Variants in EEFSEC observed in about 807,000 individuals in gnomAD.
The protein encoded by EEFSEC is eukaryotic elongation factor, selenocysteine-tRNA specific.
Under a neutral mutation model 42.1 loss-of-function variants are expected in EEFSEC, and 43 were observed. The observed-to-expected ratio is 1.02, with a 90% CI of 0.80 to 1.32. The LOEUF is 1.32. EEFSEC is among the 40% of genes most tolerant of loss of function. EEFSEC has a pLI of 0.00. For missense variants in EEFSEC, 745 were observed against 803.6 expected, an observed-to-expected ratio of 0.93 and a Z score of 0.88; for synonymous variants, 354 against 339.1, an observed-to-expected ratio of 1.04 and a Z score of -0.48.
intron 1 of EEFSEC, among the ~76,000 whole-genome samples, chr3:128,185,907 T>C (rs535561976): frequency 5.9e-5 from 9 of 152,338 alleles, no homozygotes; most frequent in East Asian, 1.9e-4. Context: ...TGAGGAGTCA[T>C]GTACATGTTT....
intron 1 of EEFSEC, among the ~76,000 whole-genome samples, chr3:128,224,894 C>T (rs1000467414): frequency 7.9e-5 from 12 of 152,170 alleles, no homozygotes; most frequent in Non-Finnish European, 1.5e-5. Context: ...ATGAGGAGCC[C>T]GAGGCTCAGA....
chr3:128,154,251 A>G (rs997899776), intron 1 of EEFSEC, among the ~76,000 whole-genome samples: 3 of 152,020 alleles, frequency 2.0e-5, no homozygotes, highest in African/African-American at 7.2e-5. Context: ...GTTTTTGTAT[A>G]TCATTTCAGA....
chr3:128,250,036 T>C (rs976660478), intron 2 of EEFSEC, among the ~76,000 whole-genome samples: 1 of 152,232 alleles, frequency 6.6e-6, no homozygotes, highest in Non-Finnish European at 1.5e-5. Flanking sequence ...TTAATGGCCA[T>C]TTGTGTATCT....
intron 1 of EEFSEC, among the ~76,000 whole-genome samples, chr3:128,158,912 T>A (rs1944427251): frequency 6.6e-6 from 1 of 152,256 alleles, no homozygotes. Context: ...GTTTTTTATT[T>A]AGACTAAAAC....
At chr3:128,307,446 G>T (rs531273462) in intron 4 of EEFSEC, among the ~76,000 whole-genome samples, 3 of 152,162 alleles carry the variant, frequency 2.0e-5, no homozygotes, top group Non-Finnish European at 4.4e-5. Flanking sequence ...ACCCAGCGGG[G>T]CCCAGCTAGC....
intron 1 of EEFSEC, among the ~76,000 whole-genome samples, chr3:128,163,532 T>C (rs2065212351): frequency 1.3e-5 from 2 of 152,124 alleles, no homozygotes; most frequent in South Asian, 4.1e-4. Context: ...TTTTATGGTA[T>C]GTAAATTACA....
At chr3:128,197,102 C>CAAA in intron 1 of EEFSEC, among the ~76,000 whole-genome samples, 1 of 152,266 alleles carries the variant, frequency 6.6e-6, no homozygotes, top group South Asian at 2.1e-4. Flanking sequence ...TGCAGTAAGG[C>CAAA]AGATTATAAA....
intron 6 of EEFSEC, among the ~76,000 whole-genome samples, chr3:128,404,405 G>A (rs1035712020): frequency 2.6e-5 from 4 of 152,372 alleles, no homozygotes; most frequent in East Asian, 1.9e-4. Context: ...TGTGTGTAAC[G>A]AGAGCCATCG....
At chr3:128,419,593 A>G in the EEFSEC span, among the ~76,000 whole-genome samples, 1 of 152,344 alleles carries the variant, frequency 6.6e-6, no homozygotes, top group South Asian at 2.1e-4. Context: ...AAGGGCACTC[A>G]GCCTTATGTT....
chr3:128,370,150 G>T (rs2067636777), intron 6 of EEFSEC, among the ~76,000 whole-genome samples: 2 of 152,206 alleles, frequency 1.3e-5, no homozygotes, highest in Non-Finnish European at 2.9e-5. Flanking sequence ...CACTCTTTGG[G>T]TCTGTCTGAT....
At chr3:128,360,752 T>C (rs921086807) in intron 6 of EEFSEC, among the ~76,000 whole-genome samples, 1 of 150,894 alleles carries the variant, frequency 6.6e-6, no homozygotes, top group Non-Finnish European at 1.5e-5. Flanking sequence ...GGAGGAGGGG[T>C]ATAGGGACAC....
chr3:128,348,405 C>G (rs952325614), intron 5 of EEFSEC, among the ~76,000 whole-genome samples: 26 of 152,018 alleles, frequency 1.7e-4, no homozygotes, highest in African/African-American at 5.8e-4. Flanking sequence ...TAAAATTTTT[C>G]TCTTTTTCAG....
chr3:128,406,690 G>C (rs1055772881), intron 6 of EEFSEC, among the ~76,000 whole-genome samples: 1 of 152,082 alleles, frequency 6.6e-6, no homozygotes, highest in Non-Finnish European at 1.5e-5. Context: ...GCACGAGCCT[G>C]TGGTCCCCAC....
At chr3:128,241,069 T>C (rs992307823) in intron 1 of EEFSEC, among the ~76,000 whole-genome samples, 5 of 152,194 alleles carry the variant, frequency 3.3e-5, no homozygotes, top group African/African-American at 1.2e-4. Context: ...ACATAAGATC[T>C]TGCTGCTCAG....
intron 1 of EEFSEC, among the ~76,000 whole-genome samples, chr3:128,198,201 T>C (rs2065606274): frequency 6.6e-6 from 1 of 152,322 alleles, no homozygotes; most frequent in Admixed American, 6.5e-5. Context: ...CCAGCAATCA[T>C]TTGAACTTTG....
chr3:128,349,183 T>C (rs981714975), intron 5 of EEFSEC, among the ~76,000 whole-genome samples: 7 of 151,486 alleles, frequency 4.6e-5, no homozygotes, highest in African/African-American at 1.7e-4. Flanking sequence ...ACAGGGAGCT[T>C]AAAGAGGCAG....
intron 1 of EEFSEC, among the ~76,000 whole-genome samples, chr3:128,162,284 G>A (rs368582120): frequency 2.6e-5 from 4 of 152,266 alleles, no homozygotes; most frequent in South Asian, 4.1e-4. Flanking sequence ...CTTCTTCGAC[G>A]TCCTCTACCA....
intron 6 of EEFSEC, among the ~76,000 whole-genome samples, chr3:128,384,985 T>G (rs967578402): frequency 3.3e-5 from 5 of 152,160 alleles, no homozygotes; most frequent in African/African-American, 1.2e-4. Flanking sequence ...TTTGTTTGAA[T>G]GTGGGGAAGA....
intron 1 of EEFSEC, among the ~76,000 whole-genome samples, chr3:128,156,212 C>T (rs1361244369): frequency 6.6e-6 from 1 of 152,210 alleles, no homozygotes; most frequent in Non-Finnish European, 1.5e-5. Context: ...CTTGCTCCAA[C>T]TGGAAGATAG....
Sources: allele counts gnomAD v4.1 joint callset (sites outside exome capture counted in the v4.1 genomes callset), GRCh38; gene constraint gnomAD v4.1.1; transcripts MANE v1.5; gene names NCBI Gene and HGNC (gene_info 2026-07-23, HGNC 2026-07-21).